Variants in IL34 observed in about 807,000 individuals in gnomAD.
The protein encoded by IL34 is interleukin-34.
Under a neutral mutation model 25.3 loss-of-function variants are expected in IL34, and 17 were observed. That is an observed-to-expected ratio of 0.67 (90% confidence interval 0.46 to 1.01). The LOEUF is 1.01. Ranked by LOEUF, IL34 falls within the 50% of genes least tolerant of loss-of-function variation. The probability of loss-of-function intolerance (pLI) is 0.00; values close to 1 mark genes in which losing one functional copy is unlikely to be tolerated. For missense variants in IL34, 368 were observed against 312.9 expected, an observed-to-expected ratio of 1.18 and a Z score of -1.33; for synonymous variants, 174 against 140.9, an observed-to-expected ratio of 1.23 and a Z score of -1.66.
chr16:70,592,661 T>C (rs950596122), intron 1 of IL34, among the ~76,000 whole-genome samples: 4 of 152,214 alleles, frequency 2.6e-5, no homozygotes, highest in Non-Finnish European at 5.9e-5. Context: ...TATTTTTTCT[T>C]TTTCTTTTTT....
At chr16:70,641,670 G>T (rs766390034), upstream of IL34, among the ~76,000 whole-genome samples, 2 of 151,454 alleles carry the variant, frequency 1.3e-5, no homozygotes, top group African/African-American at 4.9e-5. Context: ...AGATTCAAGT[G>T]ATCTTCCCAC....
At chr16:70,608,020 G>C (rs759507471) in intron 1 of IL34, among the ~76,000 whole-genome samples, 1 of 151,982 alleles carries the variant, frequency 6.6e-6, no homozygotes, top group Non-Finnish European at 1.5e-5. Flanking sequence ...TGCCGGCCTC[G>C]GCTTCCCAAA....
At chr16:70,581,886 C>T (rs563295419) in intron 1 of IL34, among the ~76,000 whole-genome samples, 15 of 152,182 alleles carry the variant, frequency 9.9e-5, no homozygotes, top group Admixed American at 9.8e-4. Context: ...ATTTCGAGAC[C>T]AGCCTGGGAA....
chr16:70,588,705 T>C (rs2050720495), intron 1 of IL34, among the ~76,000 whole-genome samples: 1 of 152,152 alleles, frequency 6.6e-6, no homozygotes, highest in African/African-American at 2.4e-5. Context: ...ATATACACAA[T>C]GTGGTATGAT....
At chr16:70,647,178 G>A (rs1008371974) in intron 1 of IL34, among the ~76,000 whole-genome samples, 1 of 152,256 alleles carries the variant, frequency 6.6e-6, no homozygotes, top group Non-Finnish European at 1.5e-5. Context: ...GGCAAGCTGG[G>A]TGGGCAGTTC....
chr16:70,589,474 A>C (rs1286004030), intron 1 of IL34, among the ~76,000 whole-genome samples: 2 of 152,098 alleles, frequency 1.3e-5, no homozygotes, highest in African/African-American at 4.8e-5. Flanking sequence ...CCCACTTATA[A>C]GTGAGAAAGT....
chr16:70,618,261 G>C (rs1404469458), intron 1 of IL34, among the ~76,000 whole-genome samples: 1 of 151,960 alleles, frequency 6.6e-6, no homozygotes. Flanking sequence ...GTGAGGAACA[G>C]GAAAGAAGGA....
intron 1 of IL34, among the ~76,000 whole-genome samples, chr16:70,633,755 T>A (rs182426023): frequency 6.6e-6 from 1 of 152,214 alleles, no homozygotes; most frequent in African/African-American, 2.4e-5. Context: ...GATCTTTTCC[T>A]GTCTCTTCCC....
intron 1 of IL34, among the ~76,000 whole-genome samples, chr16:70,588,851 G>T (rs1256357550): frequency 6.6e-6 from 1 of 152,138 alleles, no homozygotes; most frequent in Non-Finnish European, 1.5e-5. Flanking sequence ...GAGTAGCCAG[G>T]TTCATAGAAA....
intron 1 of IL34, among the ~76,000 whole-genome samples, chr16:70,586,409 A>G (rs1165004704): frequency 6.6e-6 from 1 of 152,116 alleles, no homozygotes; most frequent in African/African-American, 2.4e-5. Context: ...TCTATACAAA[A>G]GATAACTGGT....
chr16:70,635,949 G>A lies in IL34; in HGVS notation c.-400-10599G>A, dbSNP rs143253927. 2.3e-3 allele frequency among the ~76,000 whole-genome samples: 355 copies of A among 151,566 alleles called. 1 individual carries two copies. Among genetic ancestry groups the A allele is most frequent in the African/African-American group, 7.2e-3 (296 of 41,352 alleles). On this transcript the variant is annotated intron_variant, in intron 1 of 6. Transcript: ENST00000429149. ...CCATTTTACAGATGGGGAGGCTGAG[G>A]CAAAAGAGGATCCTCACCTTGCCCA...
rs182765861 is a variant in IL34 at position 70,620,482 on chromosome 16, A to T, written c.-400-26066A>T. Among the ~76,000 whole-genome samples the T allele has an allele frequency of 3.6e-3, 554 of 152,090 alleles. 3 individuals are homozygous for T. The highest frequency in any genetic ancestry group is 0.013 in the African/African-American group (539 of 41,438). ...TAGGGTGGAGGAGCGGAGGCTGAGG[A>T]AGAATTGGGACCTAGCTCAGCCTGG... On this transcript the variant is annotated intron_variant, in intron 1 of 6. Coordinates refer to the IL34 transcript ENST00000429149.
intron 1 of IL34, among the ~76,000 whole-genome samples, chr16:70,608,969 T>G: frequency 6.6e-6 from 1 of 152,248 alleles, no homozygotes; most frequent in Non-Finnish European, 1.5e-5. Context: ...TAATCATGCC[T>G]TCCTTCCATG....
chr16:70,599,676 CTTT>C (rs199683652), intron 1 of IL34, among the ~76,000 whole-genome samples: 3 of 137,132 alleles, frequency 2.2e-5, no homozygotes, highest in Non-Finnish European at 3.2e-5. Flanking sequence ...TGCACCCGGT[CTTT>C]TTTTTTTTTT....
upstream of IL34, among the ~76,000 whole-genome samples, chr16:70,644,700 A>AGGAGGAGGAGGG (rs199713334): frequency 2.2e-5 from 2 of 92,440 alleles, no homozygotes; most frequent in Non-Finnish European, 4.3e-5. Flanking sequence ...CAGGGTGAGG[A>AGGAGGAGGAGGG]GGAGGAGGAG....
At chr16:70,614,867 C>A (rs1365024409) in intron 1 of IL34, among the ~76,000 whole-genome samples, 3 of 151,754 alleles carry the variant, frequency 2.0e-5, no homozygotes, top group Admixed American at 2.0e-4. Flanking sequence ...TAGGTCTTGC[C>A]CAAGGCTCAG....
chr16:70,590,353 A>C (rs2050738419), intron 1 of IL34, among the ~76,000 whole-genome samples: 1 of 152,190 alleles, frequency 6.6e-6, no homozygotes, highest in African/African-American at 2.4e-5. Context: ...CTGCATGAGG[A>C]ACAGAGGCTG....
chr16:70,655,738 T>G (rs763712783), intron 2 of IL34, among the ~76,000 whole-genome samples: 2 of 152,070 alleles, frequency 1.3e-5, no homozygotes, highest in African/African-American at 2.4e-5. Context: ...AGACAGGGTG[T>G]CACTCTGTTG....
upstream of IL34, among the ~76,000 whole-genome samples, chr16:70,644,901 G>C (rs952705806): frequency 2.2e-5 from 3 of 136,912 alleles, no homozygotes; most frequent in East Asian, 6.4e-4. Flanking sequence ...AGAGGAAGGA[G>C]GAAGAGGAGG....
Sources: allele counts gnomAD v4.1 joint callset (sites outside exome capture counted in the v4.1 genomes callset), GRCh38; gene constraint gnomAD v4.1.1; transcripts MANE v1.5; gene names NCBI Gene and HGNC (gene_info 2026-07-23, HGNC 2026-07-21).